Variants in BLK observed in about 807,000 individuals in gnomAD.
BLK encodes the protein tyrosine-protein kinase Blk.
A neutral mutation model predicts 61.8 loss-of-function variants in BLK; 64 were observed. That is an observed-to-expected ratio of 1.03 (90% CI 0.85 to 1.27). The LOEUF (loss-of-function observed/expected upper bound fraction) is 1.27, where lower values mean the gene tolerates loss of function less well. Among genes scored for constraint, BLK ranks in the 50% most tolerant of loss-of-function variants. The pLI is 0.00. For missense variants in BLK, 853 were observed against 660.5 expected, an observed-to-expected ratio of 1.29 and a Z score of -3.19; for synonymous variants, 351 against 272.0, an observed-to-expected ratio of 1.29 and a Z score of -2.86.
At chr8:11,541,541 A>G (rs1048914746) in intron 1 of BLK, among the ~76,000 whole-genome samples, 2 of 148,876 alleles carry the variant, frequency 1.3e-5, no homozygotes, top group South Asian at 4.3e-4. Context: ...TCTGTTGCCC[A>G]GGCTGGAGTG....
intron 1 of BLK, among the ~76,000 whole-genome samples, chr8:11,539,531 A>T (rs2117424027): frequency 6.6e-6 from 1 of 152,340 alleles, no homozygotes; most frequent in Non-Finnish European, 1.5e-5. Context: ...ATGATGTTTT[A>T]TTAACCTGAG....
chr8:11,518,740 C>A (rs985624206), intron 1 of BLK, among the ~76,000 whole-genome samples: 5 of 152,152 alleles, frequency 3.3e-5, no homozygotes, highest in Admixed American at 2.0e-4. Context: ...GGAAAGAAAT[C>A]CCAACCCTTC....
chr8:11,558,466 G>T (rs1480850121), intron 10 of BLK: 2 of 360,646 alleles, frequency 5.5e-6, no homozygotes, highest in South Asian at 2.1e-5. Context: ...CATCCCAGGG[G>T]CCCTCAGCCT....
intron 1 of BLK, among the ~76,000 whole-genome samples, chr8:11,520,048 C>T (rs1799379928): frequency 6.6e-6 from 1 of 152,150 alleles, no homozygotes; most frequent in African/African-American, 2.4e-5. Flanking sequence ...TTAGTAGTCA[C>T]ACACAAACCA....
chr8:11,563,481 G>A (rs1018002498), intron 12 of BLK, among the ~76,000 whole-genome samples: 3 of 152,196 alleles, frequency 2.0e-5, no homozygotes, highest in Non-Finnish European at 4.4e-5. Context: ...GGCCAGAATC[G>A]TGGACGACAG....
chr8:11,495,094 G>A (rs1156368521), intron 1 of BLK, among the ~76,000 whole-genome samples: 1 of 152,338 alleles, frequency 6.6e-6, no homozygotes, highest in Admixed American at 6.5e-5. Context: ...CAGGAATGGG[G>A]TAACTGAATA....
At chr8:11,519,736 A>C (rs1799367417) in intron 1 of BLK, among the ~76,000 whole-genome samples, 1 of 152,212 alleles carries the variant, frequency 6.6e-6, no homozygotes, top group Non-Finnish European at 1.5e-5. Flanking sequence ...GAAGCTGACA[A>C]ATATGGCGTA....
chr8:11,496,801 G>A (rs1050252409), intron 1 of BLK, among the ~76,000 whole-genome samples: 1 of 152,214 alleles, frequency 6.6e-6, no homozygotes, highest in Non-Finnish European at 1.5e-5. Flanking sequence ...ACAGAATCTG[G>A]TCAGCCAAGT....
chr8:11,509,560 C>T (rs1032577838), intron 1 of BLK: 3 of 152,144 alleles, frequency 2.0e-5, no homozygotes, highest in Admixed American at 6.5e-5. Flanking sequence ...TCTCCCAGCT[C>T]GGGTTCTGTG....
intron 10 of BLK, chr8:11,560,317 A>AGATG (rs894668523): frequency 9.6e-6 from 2 of 208,066 alleles, no homozygotes; most frequent in African/African-American, 5.2e-5. Context: ...AAGGATGCAT[A>AGATG]GATGGATGGA....
chr8:11,529,407 G>T (rs1049874652), intron 1 of BLK, among the ~76,000 whole-genome samples: 1 of 152,142 alleles, frequency 6.6e-6, no homozygotes, highest in African/African-American at 2.4e-5. Context: ...GGGAGTCAAA[G>T]CTGTCTTCCT....
intron 1 of BLK, among the ~76,000 whole-genome samples, chr8:11,504,965 G>A (rs7018073): frequency 0.079 from 12,036 of 152,134 alleles, 1,509 homozygotes; most frequent in African/African-American, 0.26. Flanking sequence ...GACACGTACA[G>A]ACACATACAT....
intron 7 of BLK, 41 bp downstream of exon 7, chr8:11,554,930 G>A: frequency 1.2e-6 from 2 of 1,603,862 alleles, no homozygotes; most frequent in Non-Finnish European, 1.7e-6. Flanking sequence ...CTTGTGCCAA[G>A]AGCCCCTGGA....
At chr8:11,511,307 C>T (rs766552315) in intron 1 of BLK, among the ~76,000 whole-genome samples, 1 of 151,850 alleles carries the variant, frequency 6.6e-6, no homozygotes, top group East Asian at 1.9e-4. Context: ...GTGGGGAGAG[C>T]GGGGAGGGAT....
chr8:11,556,008 C>T (rs147149114), intron 8 of BLK: 2 of 287,774 alleles, frequency 6.9e-6, no homozygotes, highest in East Asian at 8.6e-5. Flanking sequence ...CCGTTTTATC[C>T]CTGGATTGGT....
At chr8:11,526,687 C>G (rs1799664433) in intron 1 of BLK, among the ~76,000 whole-genome samples, 1 of 152,128 alleles carries the variant, frequency 6.6e-6, no homozygotes, top group Non-Finnish European at 1.5e-5. Flanking sequence ...CCAGTGCACT[C>G]CAGCCTGGGG....
intron 2 of BLK, 43 bp downstream of exon 2, chr8:11,543,390 C>T (rs752011862): frequency 1.9e-6 from 3 of 1,608,018 alleles, no homozygotes; most frequent in Non-Finnish European, 2.5e-6. Flanking sequence ...TTACTTACTT[C>T]TCCTATGCCT....
rs1800628521 is a variant in BLK at position 11,546,120 on chromosome 8, G to C, written c.175+17G>C. 4 of 1,614,072 alleles carry C rather than the reference G, an allele frequency of 2.5e-6. No individual in the cohort carries two copies. Among genetic ancestry groups the C allele is most frequent in the Non-Finnish European group, 3.4e-6 (4 of 1,179,946 alleles). On this transcript the variant is annotated intron_variant, in intron 3 of 12. Coordinates refer to ENST00000259089, the MANE Select transcript of BLK (RefSeq NM_001715.3). ...TGGATGAAGGTAAGAAGGGTGGTTT[G>C]GGAAGCTGAGGCTCCACAGCCCTCT... is the stretch of plus-strand genomic sequence containing the variant.
In BLK at chr8:11,563,105, A is replaced by G. The variant is rs1393176878; in HGVS notation, c.1307A>G (p.Tyr436Cys). Residue 436 changes from tyrosine (Y) to cysteine (C), a missense_variant, in exon 12 of 13, where the codon TAC becomes TGC. Transcript: ENST00000259089. ...MEVVTYGRVP[Y>C]PGMSNPEVIR... ...GTTGTCACTTATGGGCGGGTGCCAT[A>G]CCCAGGTAGGTGGCTCACCCCGCAG... The G allele has an allele frequency of 1.9e-6, 3 of 1,613,684 alleles. No individual in the cohort carries two copies. Among genetic ancestry groups the G allele is most frequent in the Non-Finnish European group, 2.5e-6 (3 of 1,180,006 alleles).
Sources: gnomAD v4.1 joint callset for allele counts (sites outside exome capture counted in the v4.1 genomes callset) on GRCh38, gnomAD v4.1.1 for gene constraint, MANE v1.5 for transcripts, NCBI Gene and HGNC (gene_info 2026-07-23, HGNC 2026-07-21) for gene names.